Variants in KLF13 observed in about 807,000 individuals in gnomAD.
KLF13 encodes Krueppel-like factor 13.
KLF13 carries 8 observed loss-of-function variants against 16.7 expected under a neutral mutation model. The ratio of observed to expected loss-of-function variants is 0.48; its 90% confidence interval spans 0.28 to 0.87. The LOEUF is 0.87. Among genes scored for constraint, KLF13 ranks in the 40% least tolerant of loss-of-function variants. The probability of loss-of-function intolerance (pLI) is 0.10; values close to 1 mark genes in which losing one functional copy is unlikely to be tolerated. For missense variants in KLF13, 447 were observed against 452.2 expected (o/e 0.99, Z 0.10); for synonymous variants, 245 against 208.4 (o/e 1.18, Z -1.51).
downstream of KLF13, chr15:31,377,948 G>A (rs1192586880): frequency 6.6e-6 from 1 of 152,312 alleles, no homozygotes; most frequent in East Asian, 1.9e-4. Flanking sequence ...GAGGCTCCGG[G>A]AGGGGAGGGG....
At chr15:31,343,084 G>A (rs1028394170) in intron 1 of KLF13, among the ~76,000 whole-genome samples, 1 of 152,242 alleles carries the variant, frequency 6.6e-6, no homozygotes, top group South Asian at 2.1e-4. Flanking sequence ...TTGGGGAGAG[G>A]AGGACGCCGA....
At chr15:31,389,534 T>C (rs1373823639), upstream of KLF13, among the ~76,000 whole-genome samples, 1 of 152,218 alleles carries the variant, frequency 6.6e-6, no homozygotes, top group East Asian at 1.9e-4. Flanking sequence ...AGGAGTGTTT[T>C]AACTCTTCTG....
chr15:31,362,761 G>C (rs1298232777), intron 1 of KLF13, among the ~76,000 whole-genome samples: 4 of 152,058 alleles, frequency 2.6e-5, no homozygotes, highest in African/African-American at 7.3e-5. Flanking sequence ...TACTTTCCTA[G>C]GGACCCTCTC....
chr15:31,379,947 G>A (rs1364813262), downstream of KLF13, among the ~76,000 whole-genome samples: 2 of 152,186 alleles, frequency 1.3e-5, no homozygotes, highest in Admixed American at 6.5e-5. Context: ...GGGCGGAGGT[G>A]CACTCCCTAA....
At chr15:31,361,449 A>G (rs911665566) in intron 1 of KLF13, among the ~76,000 whole-genome samples, 5 of 152,146 alleles carry the variant, frequency 3.3e-5, no homozygotes, top group Admixed American at 6.5e-5. Flanking sequence ...GCCAAAAGTA[A>G]AAGCTGCACC....
At chr15:31,397,909 C>T (rs1044996265) in intron 2 of KLF13, among the ~76,000 whole-genome samples, 1 of 151,520 alleles carries the variant, frequency 6.6e-6, no homozygotes, top group African/African-American at 2.4e-5. Context: ...CTGGGGAATT[C>T]TTCAGTCTTT....
intron 1 of KLF13, among the ~76,000 whole-genome samples, chr15:31,368,184 T>A (rs984932668): frequency 6.6e-5 from 10 of 152,210 alleles, no homozygotes; most frequent in African/African-American, 2.4e-4. Context: ...CACTTGGCTA[T>A]ATCTTTTGGG....
chr15:31,401,761 G>A (rs1214631051), intron 2 of KLF13, among the ~76,000 whole-genome samples: 3 of 152,228 alleles, frequency 2.0e-5, no homozygotes, highest in East Asian at 3.8e-4. Flanking sequence ...CAGCAGTGCA[G>A]CTCCAAGGTC....
chr15:31,328,700 G>A (rs1258142453), intron 1 of KLF13, among the ~76,000 whole-genome samples: 1 of 152,206 alleles, frequency 6.6e-6, no homozygotes, highest in Non-Finnish European at 1.5e-5. Flanking sequence ...TCCCACGCGC[G>A]GCCCGATACT....
chr15:31,372,164 G>A lies in KLF13; in HGVS notation c.732G>A (p.Lys244=), dbSNP rs780548654. 1.9e-6 allele frequency: 3 copies of A among 1,612,608 alleles called. No individual in the cohort carries two copies. Among genetic ancestry groups the A allele is most frequent in the Admixed American group, 1.7e-5 (1 of 60,004 alleles). ...KRFMRSDHLT[K]HARRHANFHP... is the part of the protein sequence containing the mutation. ...TCATGCGCAGCGACCACCTGACCAA[G>A]CACGCGCGCCGCCACGCCAACTTCC... The change falls in exon 2 of 2, where the codon AAG becomes AAA. Residue 244 remains lysine (K), a synonymous_variant. Transcript: ENST00000307145.
intron 1 of KLF13, among the ~76,000 whole-genome samples, chr15:31,343,070 G>A (rs546198834): frequency 6.6e-6 from 1 of 152,250 alleles, no homozygotes; most frequent in Non-Finnish European, 1.5e-5. Flanking sequence ...CCAGGCTCCT[G>A]TGCTTGGGGA....
intron 1 of KLF13, among the ~76,000 whole-genome samples, chr15:31,369,121 T>C (rs1383087279): frequency 1.3e-5 from 2 of 152,262 alleles, no homozygotes; most frequent in Non-Finnish European, 2.9e-5. Flanking sequence ...ATTTTACTTA[T>C]TTTGTTGACT....
At chr15:31,434,200 G>T (rs1204315948) in intron 1 of KLF13, among the ~76,000 whole-genome samples, 1 of 152,120 alleles carries the variant, frequency 6.6e-6, no homozygotes, top group South Asian at 2.1e-4. Flanking sequence ...CCCATTCTAC[G>T]GATGGGGAAA....
chr15:31,409,602 A>C (rs924158796), downstream of KLF13, among the ~76,000 whole-genome samples: 11 of 152,156 alleles, frequency 7.2e-5, no homozygotes, highest in African/African-American at 2.7e-4. Flanking sequence ...TTCCAAAAAC[A>C]AAAAACAAAG....
intron 1 of KLF13, among the ~76,000 whole-genome samples, chr15:31,338,775 G>A (rs537848304): frequency 6.6e-6 from 1 of 152,226 alleles, no homozygotes; most frequent in South Asian, 2.1e-4. Context: ...TAATGGATGG[G>A]AACTGAGCTC....
chr15:31,379,439 T>G (rs2039696411), downstream of KLF13, among the ~76,000 whole-genome samples: 1 of 151,346 alleles, frequency 6.6e-6, no homozygotes, highest in Non-Finnish European at 1.5e-5. Flanking sequence ...TAAAAAATAT[T>G]GACAGGAAAA....
At position 31,335,421 on chromosome 15, in the gene KLF13, T is replaced by TTG. The variant is rs1166932948; in HGVS notation, c.577+7644_577+7645dup. ...TGTGATCGCCATTTGCTGTTGGGCA[T>TTG]TGTGTGTGTGTGTATGTGTGTGTGT... On this transcript the variant is annotated intron_variant, in intron 1 of 1. Coordinates refer to ENST00000307145, the MANE Select transcript of KLF13 (RefSeq NM_015995.4). Among the ~76,000 whole-genome samples the TTG allele has an allele frequency of 7.9e-3, 855 of 108,116 alleles. 51 individuals are homozygous for TTG. The highest frequency in any genetic ancestry group is 0.02 in the Middle Eastern group (4 of 204). The allele number at this position is 108,116 out of a possible 152,430, so 70.9% of individuals were successfully genotyped here. A position where few individuals can be genotyped will look rare whatever the true frequency, so the allele number is the denominator to read the frequency against.
chr15:31,347,332 C>G (rs1388255113), intron 1 of KLF13, among the ~76,000 whole-genome samples: 4 of 152,166 alleles, frequency 2.6e-5, no homozygotes. Context: ...GGAAGGGGAG[C>G]TGTGAACAAG....
intron 1 of KLF13, among the ~76,000 whole-genome samples, chr15:31,425,746 A>T (rs2040392855): frequency 1.3e-5 from 2 of 152,162 alleles, no homozygotes; most frequent in South Asian, 4.1e-4. Flanking sequence ...GCGTGTTAGC[A>T]CATGCCTGTA....
Sources: gnomAD v4.1 joint callset for allele counts (sites outside exome capture counted in the v4.1 genomes callset) on GRCh38, gnomAD v4.1.1 for gene constraint, MANE v1.5 for transcripts, NCBI Gene and HGNC (gene_info 2026-07-23, HGNC 2026-07-21) for gene names.